NAP1L4: variants seen among roughly 807,000 people sequenced by gnomAD.
NAP1L4 encodes nucleosome assembly protein 1 like 4.
A neutral mutation model predicts 58.2 loss-of-function variants in NAP1L4; 15 were observed. That is an observed-to-expected ratio of 0.26 (90% CI 0.17 to 0.40). NAP1L4 has a LOEUF of 0.40. Among genes scored for constraint, NAP1L4 ranks in the 10% least tolerant of loss-of-function variants. The pLI, the probability that NAP1L4 is intolerant of heterozygous loss-of-function variation, is 1.00. For missense variants in NAP1L4, 384 were observed against 451.1 expected (o/e 0.85, Z 1.35); for synonymous variants, 171 against 155.6 (o/e 1.10, Z -0.74).
intron 4 of NAP1L4, among the ~76,000 whole-genome samples, chr11:2,973,513 G>T (rs1328275506): frequency 6.6e-6 from 1 of 152,074 alleles, no homozygotes; most frequent in Admixed American, 6.6e-5. Context: ...AGAGCAGTAG[G>T]CAAGTCACAC....
rs957800996 is a variant in NAP1L4, at chr11:2,955,990, C to A, written c.893-224G>T. 2.0e-5 allele frequency among the ~76,000 whole-genome samples: 3 copies of A among 149,784 alleles called. No individual in the cohort carries two copies. The highest frequency in any genetic ancestry group is 7.3e-5 in the African/African-American group (3 of 40,962). ...TGCCTCTATGCCCCCCTCCCTTCTC[C>A]TCCTCCATCATGTGCCATGGGCTGG... On this transcript the variant is annotated intron_variant, in intron 10 of 15. Coordinates refer to ENST00000380542, the MANE Select transcript of NAP1L4 (RefSeq NM_005969.4). The surrounding 1 kb of genome is among the most constrained non-coding windows in gnomAD (Gnocchi z 4.2).
chr11:2,975,087 G>A (rs904416874), intron 4 of NAP1L4, among the ~76,000 whole-genome samples: 3 of 151,940 alleles, frequency 2.0e-5, no homozygotes, highest in Non-Finnish European at 4.4e-5. Flanking sequence ...CTGGAAGGTG[G>A]GGCCTCCTGG....
intron 7 of NAP1L4, among the ~76,000 whole-genome samples, chr11:2,965,752 G>C (rs1038399733): frequency 2.0e-5 from 3 of 152,080 alleles, no homozygotes; most frequent in Non-Finnish European, 2.9e-5. Context: ...GGATGGTCTC[G>C]ATCTCCTGAC....
intron 1 of NAP1L4, among the ~76,000 whole-genome samples, chr11:2,985,339 C>A (rs940103275): frequency 6.6e-6 from 1 of 152,192 alleles, no homozygotes; most frequent in Admixed American, 6.5e-5. Context: ...ATCCCTATCA[C>A]CCTTAAAACA....
chr11:2,960,604 ATGT>A (rs1158416057), intron 8 of NAP1L4, among the ~76,000 whole-genome samples: 1 of 152,194 alleles, frequency 6.6e-6, no homozygotes, highest in Non-Finnish European at 1.5e-5. Context: ...TTGGGGCAAA[ATGT>A]ACAAAAATAT....
At chr11:2,964,889 T>C (rs1847170766) in intron 7 of NAP1L4, 138 bp from the exon 8 acceptor site, 1 of 661,506 alleles carries the variant, frequency 1.5e-6, no homozygotes, top group East Asian at 2.7e-5. Context: ...AAGTAATAAC[T>C]ACCAGGAAGA....
At chr11:2,969,439 C>G (rs968869715) in intron 7 of NAP1L4, among the ~76,000 whole-genome samples, 7 of 152,166 alleles carry the variant, frequency 4.6e-5, no homozygotes. Flanking sequence ...TGCCCTCACC[C>G]TTTCCTGCAC....
In NAP1L4 at chr11:2,949,681, T is replaced by C. The variant is rs1211701502; in HGVS notation, c.1123-417A>G. Among the ~76,000 whole-genome samples, 1 of 152,232 alleles carries C rather than the reference T, an allele frequency of 6.6e-6. No homozygotes were observed. ...ACATAACCGTTTATCAAAGGTTTCA[T>C]GGGGTGTTAGCATGTGTAATCCACC... On this transcript the variant is annotated intron_variant, in intron 14 of 15. Transcript: ENST00000380542. This position sits in a 1 kb window ranked among gnomAD's most constrained non-coding sequence, Gnocchi z 4.0.
Position 2,959,634 on chromosome 11 carries a change from T to C in NAP1L4, c.746+136A>G, listed in dbSNP as rs1289328330. ...CCCAAACTGAAAGACTATTGAAATA[T>C]ACATCTACCAGGCTTTTAGGCTTTT... is the stretch of plus-strand genomic sequence containing the variant. On this transcript the variant is annotated intron_variant, in intron 9 of 15. Transcript: ENST00000380542. This position sits in a 1 kb window ranked among gnomAD's most constrained non-coding sequence, Gnocchi z 4.9. 9 of 1,019,016 alleles carry C rather than the reference T, an allele frequency of 8.8e-6. No individual in the cohort carries two copies. The highest frequency in any genetic ancestry group is 5.2e-5 in the South Asian group (3 of 57,796). The allele number at this position is 1,019,016 out of a possible 1,614,324, so 63.1% of individuals were successfully genotyped here.
rs1564977519 is a variant in NAP1L4, at chr11:2,959,876, C to G, written c.640G>C (p.Asp214His). 1.9e-6 allele frequency: 3 copies of G among 1,613,992 alleles called. No individual in the cohort carries two copies. In the South Asian group the frequency reaches 3.3e-5, roughly 18 times the overall value. Residue 214 changes from aspartate (D) to histidine (H), a missense_variant, in exon 9 of 16, where the codon GAC (aspartate) becomes CAC (histidine). This residue lies in a region of NAP1L4 where 296 missense variants were observed against 360.8 expected (regional missense o/e 0.82). Coordinates refer to ENST00000380542, the MANE Select transcript of NAP1L4 (RefSeq NM_005969.4). This position sits in a 1 kb window ranked among gnomAD's most constrained non-coding sequence, Gnocchi z 4.9. ...GTCAGGACTGAGTTGGTAAAGTAGT[C>G]GTTGGGTTCAAAGTGGAACTCTAAC... is the stretch of plus-strand genomic sequence containing the variant. ...FVLEFHFEPN[D>H]YFTNSVLTKT... is the part of the protein sequence containing the mutation.
In NAP1L4 at chr11:2,949,294, G is replaced by C; in HGVS notation, c.1123-30C>G. 2 of 1,562,076 alleles carry C rather than the reference G, an allele frequency of 1.3e-6. No individual in the cohort carries two copies. Among genetic ancestry groups the C allele is most frequent in the Non-Finnish European group, 1.8e-6 (2 of 1,132,730 alleles). On this transcript the variant is annotated intron_variant, in intron 14 of 15. Coordinates refer to ENST00000380542, the MANE Select transcript of NAP1L4 (RefSeq NM_005969.4). This position sits in a 1 kb window ranked among gnomAD's most constrained non-coding sequence, Gnocchi z 4.0. ...ATGGGGAAAAAAATTGAAAGGAACT[G>C]TCAGCATGAAAGAAAATGAAATGCA... is the stretch of plus-strand genomic sequence containing the variant.
At chr11:2,983,680 C>T (rs1220344298) in intron 1 of NAP1L4, 2 of 151,442 alleles carry the variant, frequency 1.3e-5, no homozygotes, top group Admixed American at 1.3e-4. Flanking sequence ...AAAGAACCAA[C>T]CAACCCAGAA....
chr11:2,954,756 C>T lies in NAP1L4; in HGVS notation c.916-110G>A, dbSNP rs763670658. ...CACTTTTGATTTACTTAACTTAAAA[C>T]ACCAAACTCCTGCACTGCTGGGGGA... On this transcript the variant is annotated intron_variant, in intron 11 of 15. Coordinates refer to ENST00000380542, the MANE Select transcript of NAP1L4 (RefSeq NM_005969.4). This position sits in a 1 kb window ranked among gnomAD's most constrained non-coding sequence, Gnocchi z 4.8. The T allele has an allele frequency of 1.4e-6, 2 of 1,402,144 alleles. No individual in the cohort carries two copies. The highest frequency in any genetic ancestry group is 2.3e-5 in the East Asian group (1 of 43,342). 86.9% of individuals were successfully genotyped at this position (1,402,144 alleles called of 1,614,324 possible). A position where few individuals can be genotyped will look rare whatever the true frequency, so the allele number is the denominator to read the frequency against.
Position 2,951,880 on chromosome 11 carries a change from A to T in NAP1L4, c.1036-71T>A. 1 of 1,447,874 alleles carries T rather than the reference A, an allele frequency of 6.9e-7. No homozygotes were observed. The highest frequency in any genetic ancestry group is 1.2e-5 in the South Asian group (1 of 86,370). 89.7% of individuals were successfully genotyped at this position (1,447,874 alleles called of 1,614,324 possible). On this transcript the variant is annotated intron_variant, in intron 12 of 15. Transcript: ENST00000380542. This position sits in a 1 kb window ranked among gnomAD's most constrained non-coding sequence, Gnocchi z 4.0. ...GCAGCCTGCCCAAGACACCAGTCCC[A>T]TCAAGTGACTCACTGACCAAGCCTA...
At position 2,991,857 on chromosome 11, in the gene NAP1L4, C is replaced by G. The variant is rs532145678; in HGVS notation, c.-18+397G>C. ...CCGTGTAACCGCCACAGCCCCCGCA[C>G]GCGGGGCGGGCTGGGCTAGCGGGAG... On this transcript the variant is annotated intron_variant, in intron 1 of 15. Coordinates refer to ENST00000380542, the MANE Select transcript of NAP1L4 (RefSeq NM_005969.4). The G allele has an allele frequency of 9.2e-5, 14 of 152,368 alleles. No homozygotes were observed. The East Asian group carries it at 2.7e-3, about 29-fold the overall frequency. The allele number at this position is 152,368 out of a possible 1,614,324, so 9.4% of individuals were successfully genotyped here. A position where few individuals can be genotyped will look rare whatever the true frequency, so the allele number is the denominator to read the frequency against.
At chr11:2,980,657 C>T (rs950094496) in intron 1 of NAP1L4, among the ~76,000 whole-genome samples, 5 of 152,094 alleles carry the variant, frequency 3.3e-5, no homozygotes, top group Non-Finnish European at 7.4e-5. Context: ...TGAAAACTGG[C>T]CAATGTTCAT....
Position 2,951,230 on chromosome 11 carries a change from T to C in NAP1L4, c.1122+29A>G. ...AAGTCTAAGAGTGCAGCATAATAAG[T>C]AGGTCTGGGTGGCCCCAAAGTTACC... is the stretch of plus-strand genomic sequence containing the variant. On this transcript the variant is annotated intron_variant, in intron 14 of 15. Transcript: ENST00000380542. The surrounding 1 kb of genome is among the most constrained non-coding windows in gnomAD (Gnocchi z 4.0). 6.3e-7 allele frequency: 1 copy of C among 1,592,996 alleles called. No individual in the cohort carries two copies. The highest frequency in any genetic ancestry group is 8.6e-7 in the Non-Finnish European group (1 of 1,161,556).
rs991616440 is a variant in NAP1L4 at position 2,951,466 on chromosome 11, G to C, written c.1066-151C>G. ...ACTCATCACTTCCTTTGGACACTTA[G>C]AATTATTTCTAGGTATCTTTTTGTT... On this transcript the variant is annotated intron_variant, in intron 13 of 15. Coordinates refer to ENST00000380542, the MANE Select transcript of NAP1L4 (RefSeq NM_005969.4). The surrounding 1 kb of genome is among the most constrained non-coding windows in gnomAD (Gnocchi z 4.0). 6.2e-5 allele frequency: 45 copies of C among 727,642 alleles called. No individual in the cohort carries two copies. The African/African-American group carries it at 7.2e-4, about 12-fold the overall frequency. The allele number at this position is 727,642 out of a possible 1,614,324, so 45.1% of individuals were successfully genotyped here. A position where few individuals can be genotyped will look rare whatever the true frequency, so the allele number is the denominator to read the frequency against.
intron 4 of NAP1L4, among the ~76,000 whole-genome samples, chr11:2,975,303 A>T (rs1847887020): frequency 6.6e-6 from 1 of 152,204 alleles, no homozygotes; most frequent in African/African-American, 2.4e-5. Flanking sequence ...AACAACAGTG[A>T]GACTCCAACT....
Sources: gnomAD v4.1 joint callset for allele counts (sites outside exome capture counted in the v4.1 genomes callset) on GRCh38, gnomAD v4.1.1 for gene constraint, gnomAD v4.1.1 regional missense constraint, Gnocchi (gnomAD v3.1) non-coding constraint, MANE v1.5 for transcripts, NCBI Gene and HGNC (gene_info 2026-07-23, HGNC 2026-07-21) for gene names.